Variants in PDE4D observed in about 807,000 individuals in gnomAD.
The protein encoded by PDE4D is phosphodiesterase 4D.
A neutral mutation model predicts 87.4 loss-of-function variants in PDE4D; 24 were observed. The ratio of observed to expected loss-of-function variants is 0.27; its 90% CI spans 0.20 to 0.39. PDE4D has a LOEUF of 0.39. Ranked by LOEUF, PDE4D falls within the 10% of genes least tolerant of loss-of-function variation. The probability of loss-of-function intolerance (pLI) is 1.00; values close to 1 mark genes in which losing one functional copy is unlikely to be tolerated. For synonymous variants in PDE4D, 384 were observed against 383.2 expected (o/e 1.00, Z -0.02); for missense variants, 714 against 1,041.0 (o/e 0.69, Z 4.32).
intron 9 of PDE4D, among the ~76,000 whole-genome samples, chr5:58,990,396 A>C (rs1236158220): frequency 6.6e-6 from 1 of 152,224 alleles, no homozygotes; most frequent in South Asian, 2.1e-4. Context: ...GGATATGAAG[A>C]AAGAAGCAGG....
chr5:60,515,837 A>G (rs16878197), intron 1 of PDE4D, among the ~76,000 whole-genome samples: 12,692 of 152,176 alleles, frequency 0.083, 1,514 homozygotes, highest in African/African-American at 0.26. Context: ...AAATCATGAA[A>G]GTACATTGTG....
chr5:58,979,678 C>T (rs1054727960), intron 11 of PDE4D, among the ~76,000 whole-genome samples: 1 of 152,116 alleles, frequency 6.6e-6, no homozygotes, highest in Non-Finnish European at 1.5e-5. Flanking sequence ...TGTTGAAACC[C>T]TTTCATCTTC....
chr5:59,869,765 T>C (rs1747552123), intron 1 of PDE4D, among the ~76,000 whole-genome samples: 1 of 152,164 alleles, frequency 6.6e-6, no homozygotes, highest in Non-Finnish European at 1.5e-5. Flanking sequence ...AGTTTTAAAG[T>C]GAAATTTTCT....
At chr5:59,464,859 T>C (rs1461706934) in intron 1 of PDE4D, among the ~76,000 whole-genome samples, 1 of 152,166 alleles carries the variant, frequency 6.6e-6, no homozygotes, top group Non-Finnish European at 1.5e-5. Flanking sequence ...ACTTTGAATT[T>C]CTATATTCTG....
chr5:59,401,064 C>G (rs1790523176), intron 1 of PDE4D, among the ~76,000 whole-genome samples: 1 of 152,194 alleles, frequency 6.6e-6, no homozygotes, highest in African/African-American at 2.4e-5. Context: ...TGTACACAAA[C>G]TTTGTTTCAT....
intron 1 of PDE4D, among the ~76,000 whole-genome samples, chr5:59,661,101 G>C (rs1745194651): frequency 9.4e-6 from 1 of 105,882 alleles, no homozygotes; most frequent in Non-Finnish European, 2.0e-5. Context: ...TATATATTTT[G>C]TCATCTAGCT....
chr5:59,270,489 T>C (rs904773940), intron 1 of PDE4D, among the ~76,000 whole-genome samples: 1 of 152,150 alleles, frequency 6.6e-6, no homozygotes, highest in Non-Finnish European at 1.5e-5. Context: ...AGATAATCTA[T>C]TCAAAATTGT....
chr5:60,123,145 A>G (rs1390219438), intron 2 of PDE4D, among the ~76,000 whole-genome samples: 1 of 152,172 alleles, frequency 6.6e-6, no homozygotes, highest in Non-Finnish European at 1.5e-5. Flanking sequence ...ACAAGTCTCT[A>G]GGAAGCTCCA....
At chr5:59,579,688 G>A (rs1313091285) in intron 1 of PDE4D, among the ~76,000 whole-genome samples, 2 of 152,194 alleles carry the variant, frequency 1.3e-5, no homozygotes, top group African/African-American at 2.4e-5. Flanking sequence ...GGTGAATAGA[G>A]CTGAATTCAT....
chr5:59,256,395 G>GA (rs1422405422), intron 1 of PDE4D, among the ~76,000 whole-genome samples: 17 of 152,024 alleles, frequency 1.1e-4, no homozygotes, highest in Non-Finnish European at 2.5e-4. Flanking sequence ...TTCATTATGT[G>GA]GCTTCTCGAG....
At chr5:59,292,216 G>A (rs992517988) in intron 1 of PDE4D, among the ~76,000 whole-genome samples, 3 of 151,958 alleles carry the variant, frequency 2.0e-5, no homozygotes, top group African/African-American at 7.2e-5. Flanking sequence ...GTTACTCCCT[G>A]GCTGACTCTC....
intron 1 of PDE4D, among the ~76,000 whole-genome samples, chr5:60,459,581 G>GT (rs1287115153): frequency 6.6e-6 from 1 of 151,926 alleles, no homozygotes; most frequent in Non-Finnish European, 1.5e-5. Context: ...AAAGGAGCAG[G>GT]TTTTTCTTTT....
chr5:60,185,382 CACAG>C (rs1175401639), intron 2 of PDE4D, among the ~76,000 whole-genome samples: 1 of 152,132 alleles, frequency 6.6e-6, no homozygotes, highest in Non-Finnish European at 1.5e-5. Context: ...TAACAGGTCA[CACAG>C]ACAAACTAGT....
intron 1 of PDE4D, among the ~76,000 whole-genome samples, chr5:59,784,570 G>A (rs1305805992): frequency 2.0e-5 from 3 of 152,088 alleles, no homozygotes; most frequent in Admixed American, 2.0e-4. Flanking sequence ...AACATGTTTG[G>A]GTTGCTATTA....
intron 1 of PDE4D, among the ~76,000 whole-genome samples, chr5:59,417,129 TAAC>T (rs1238147749): frequency 2.6e-5 from 4 of 152,172 alleles, no homozygotes; most frequent in Non-Finnish European, 5.9e-5. Flanking sequence ...TATCCTTTGT[TAAC>T]AATTCTCTAT....
At chr5:59,065,057 G>GATAT (rs149103045) in intron 5 of PDE4D, among the ~76,000 whole-genome samples, 426 of 23,314 alleles carry the variant, frequency 0.018, 4 homozygotes, top group South Asian at 0.039. Flanking sequence ...AAGGAAATGT[G>GATAT]ATATATATAT....
chr5:59,882,770 CTTT>C (rs34177348), intron 1 of PDE4D, among the ~76,000 whole-genome samples: 5 of 139,542 alleles, frequency 3.6e-5, no homozygotes, highest in Non-Finnish European at 4.7e-5. Context: ...TCCTTTCCTT[CTTT>C]TTTTTTTTTT....
chr5:59,523,409 A>C (rs909770481), intron 1 of PDE4D, among the ~76,000 whole-genome samples: 1 of 152,258 alleles, frequency 6.6e-6, no homozygotes, highest in Non-Finnish European at 1.5e-5. Flanking sequence ...TTTGAATTTC[A>C]CATATCTAAA....
chr5:60,166,865 T>C (rs929595474), intron 2 of PDE4D, among the ~76,000 whole-genome samples: 4 of 152,164 alleles, frequency 2.6e-5, no homozygotes, highest in Non-Finnish European at 4.4e-5. Flanking sequence ...ACTTTTAATA[T>C]ATCACCAAGT....
Sources: gnomAD v4.1 joint callset for allele counts (sites outside exome capture counted in the v4.1 genomes callset) on GRCh38, gnomAD v4.1.1 for gene constraint, MANE v1.5 for transcripts, NCBI Gene and HGNC (gene_info 2026-07-23, HGNC 2026-07-21) for gene names.